CP: variants seen among roughly 807,000 people sequenced by gnomAD.
The protein encoded by CP is caeruloplasmin.
CP carries 64 observed loss-of-function variants against 122.4 expected under a neutral mutation model. The observed-to-expected ratio is 0.52, with a 90% CI of 0.43 to 0.64. The LOEUF (loss-of-function observed/expected upper bound fraction) is 0.64. Among genes scored for constraint, CP ranks in the 30% least tolerant of loss-of-function variants. The pLI is 0.00. For missense variants in CP, 1,167 were observed against 1,284.4 expected (o/e 0.91, Z 1.40); for synonymous variants, 440 against 436.4 (o/e 1.01, Z -0.10).
chr3:149,179,827 T>C (rs1725664590), intron 14 of CP, 165 bp from the exon 15 acceptor site: 1 of 599,356 alleles, frequency 1.7e-6, no homozygotes. Flanking sequence ...CAAGATTGTT[T>C]TCAGGAATTT....
At chr3:149,178,294 C>T in intron 16 of CP, 121 bp downstream of exon 16, 1 of 776,396 alleles carries the variant, frequency 1.3e-6, no homozygotes, top group Non-Finnish European at 2.1e-6. Context: ...ACCTGACATA[C>T]AAAGTGAGGC....
At chr3:149,200,554 G>A (rs34155161) in intron 7 of CP, among the ~76,000 whole-genome samples, 13,726 of 152,048 alleles carry the variant, frequency 0.09, 678 homozygotes, top group Middle Eastern at 0.11. Context: ...CTAGGCTGGA[G>A]TGCAGTGGCA....
chr3:149,186,824 A>G, intron 10 of CP, 92 bp from the exon 11 acceptor site: 1 of 1,212,342 alleles, frequency 8.2e-7, no homozygotes, highest in African/African-American at 1.5e-5. Context: ...TTGTTTTTTT[A>G]ATTTTTAAAA....
In CP at chr3:149,208,520, G is replaced by A. The variant is rs183536454; in HGVS notation, c.781+691C>T. 5.3e-5 allele frequency among the ~76,000 whole-genome samples: 8 copies of A among 152,158 alleles called. No individual in the cohort carries two copies. In the East Asian group the frequency reaches 1.5e-3, roughly 29 times the overall value. ...CTACTTTGGTAGTATCGTTATTTTT[G>A]TGCTCTCGGTTTCTGAGTACAGGTT... On this transcript the variant is annotated intron_variant, in intron 4 of 18. Transcript: ENST00000264613.
chr3:149,180,414 A>G (rs1725702467), intron 14 of CP, among the ~76,000 whole-genome samples: 1 of 152,068 alleles, frequency 6.6e-6, no homozygotes, highest in South Asian at 2.1e-4. Flanking sequence ...CTCCAGTCTG[A>G]TCTGCGTTTC....
intron 14 of CP, chr3:149,180,077 TG>T (rs1725679595): frequency 8.0e-6 from 2 of 250,540 alleles, no homozygotes; most frequent in Admixed American, 1.0e-4. Flanking sequence ...TCTCTGCATG[TG>T]TGTATCTGGA....
chr3:149,186,758 T>C (rs557599703), intron 10 of CP, 26 bp from the exon 11 acceptor site: 1 of 1,606,200 alleles, frequency 6.2e-7, no homozygotes, highest in African/African-American at 1.3e-5. Flanking sequence ...AATAACATTT[T>C]GGAAGTGGTT....
chr3:149,195,691 G>A (rs918359568), intron 9 of CP, among the ~76,000 whole-genome samples: 8 of 151,984 alleles, frequency 5.3e-5, no homozygotes, highest in Admixed American at 1.3e-4. Flanking sequence ...GGTGAAACCC[G>A]TCTCTACTAA....
downstream of CP, among the ~76,000 whole-genome samples, chr3:149,169,965 G>A (rs532385010): frequency 1.3e-3 from 197 of 152,260 alleles, no homozygotes; most frequent in African/African-American, 4.6e-3. Context: ...TGTAGATTTA[G>A]GTAGCTGGTG....
intron 7 of CP, among the ~76,000 whole-genome samples, chr3:149,200,943 G>GA (rs370580459): frequency 9.1e-4 from 135 of 148,658 alleles, no homozygotes; most frequent in African/African-American, 3.1e-3. Context: ...TCACCGCTAG[G>GA]AAAAAAAAAA....
intron 6 of CP, among the ~76,000 whole-genome samples, chr3:149,204,203 A>T (rs1426060126): frequency 6.6e-6 from 1 of 152,192 alleles, no homozygotes; most frequent in Admixed American, 6.5e-5. Context: ...CAGGGCAGTG[A>T]GAAGCATTTG....
rs1726068417 is a variant in CP, at chr3:149,185,138, G to A, written c.2285+101C>T. 3.8e-6 allele frequency: 4 copies of A among 1,047,612 alleles called. No individual in the cohort carries two copies. In the South Asian group the frequency reaches 5.5e-5, roughly 14 times the overall value. The allele number at this position is 1,047,612 out of a possible 1,614,324, so 64.9% of individuals were successfully genotyped here. On this transcript the variant is annotated intron_variant, in intron 12 of 18. Coordinates refer to ENST00000264613, the MANE Select transcript of CP (RefSeq NM_000096.4). ...GTTGTTGTTGTTGTTATTGTTTAATGCAACTTTTTTTTTTTTCTAAAATTT... is the reference window on the plus strand; with the variant it reads ...GTTGTTGTTGTTGTTATTGTTTAATACAACTTTTTTTTTTTTCTAAAATTT...
intron 9 of CP, among the ~76,000 whole-genome samples, chr3:149,195,239 C>A (rs73019046): frequency 0.068 from 10,346 of 152,264 alleles, 1,182 homozygotes; most frequent in African/African-American, 0.23. Context: ...GAAATACAAA[C>A]TGGCACAACT....
At position 149,209,376 on chromosome 3, in the gene CP, C is replaced by G. The variant is rs1727958716; in HGVS notation, c.616G>C (p.Asp206His). 1 of 1,613,206 alleles carries G rather than the reference C, an allele frequency of 6.2e-7. No homozygotes were observed. Residue 206 changes from aspartate to histidine, a missense_variant, in exon 4 of 19, where the codon GAT (aspartate) becomes CAT (histidine). Around this residue, in one of 2 missense-constraint regions of CP, gnomAD observed 642 missense variants for 627.3 expected, o/e 1.02. Coordinates refer to ENST00000264613, the MANE Select transcript of CP (RefSeq NM_000096.4). ...TCAATATGTTTTTCTTTTTCTTTAT[C>G]TAGAGAATCTGGAGTTAAAGTTACT... is the stretch of plus-strand genomic sequence containing the variant. ...PLIICKKDSL[D>H]KEKEKHIDRE...
rs146895584 is a variant in CP at position 149,206,338 on chromosome 3, G to A, written c.1038C>T (p.Ala346=). The change falls in exon 6 of 19, where the codon GCC becomes GCT. Residue 346 remains alanine (A), a splice_region_variant and synonymous_variant. Transcript: ENST00000264613. The stretch of plus-strand genomic sequence containing the variant: ...GGACCTGGAAAAAGGCTTGCAAACC[G>A]GCTGAAATGAAACAGAAAGAGGCAT... ...LSCQNLNHLK[A]GLQAFFQVQE... is the part of the protein sequence containing the mutation. The A allele has an allele frequency of 2.5e-4, 404 of 1,613,762 alleles. No homozygotes were observed. The South Asian group carries it at 3.4e-3, about 14-fold the overall frequency.
downstream of CP, chr3:149,171,967 A>G: frequency 1.3e-6 from 1 of 788,048 alleles, no homozygotes; most frequent in South Asian, 1.4e-5. Context: ...GGCCTCCCAA[A>G]GTGCTGGGAT....
intron 9 of CP, among the ~76,000 whole-genome samples, chr3:149,188,996 C>T (rs1202703215): frequency 6.6e-6 from 1 of 151,972 alleles, no homozygotes; most frequent in Admixed American, 6.6e-5. Context: ...AGAACTGAAA[C>T]TATGATGAAG....
chr3:149,163,841 GATAA>G, intron 5 of CP: 1 of 1,477,534 alleles, frequency 6.8e-7, no homozygotes, highest in Non-Finnish European at 9.5e-7. Context: ...TTATGTTTTA[GATAA>G]ATGCCTGTAG....
chr3:149,185,200 A>G, intron 12 of CP, 39 bp downstream of exon 12: 1 of 1,606,690 alleles, frequency 6.2e-7, no homozygotes, highest in Non-Finnish European at 8.5e-7. Context: ...GAAACCTAAA[A>G]TTACTGCTGA....
Sources: gnomAD v4.1 joint callset for allele counts (sites outside exome capture counted in the v4.1 genomes callset) on GRCh38, gnomAD v4.1.1 for gene constraint, gnomAD v4.1.1 regional missense constraint, MANE v1.5 for transcripts, NCBI Gene and HGNC (gene_info 2026-07-23, HGNC 2026-07-21) for gene names.